Variants in PTK2 observed in about 807,000 individuals in gnomAD.
PTK2 encodes the protein focal adhesion kinase 1.
A neutral mutation model predicts 150.1 loss-of-function variants in PTK2; 45 were observed. That is an observed-to-expected ratio of 0.30 (90% CI 0.24 to 0.38). PTK2 has a LOEUF of 0.38. PTK2 is among the 10% of genes least tolerant of loss of function. PTK2 has a pLI of 1.00. For synonymous variants in PTK2, 432 were observed against 449.2 expected, an observed-to-expected ratio of 0.96 and a Z score of 0.48; for missense variants, 919 against 1,307.3, an observed-to-expected ratio of 0.70 and a Z score of 4.58.
At chr8:140,792,959 T>C (rs1277166791) in intron 13 of PTK2, among the ~76,000 whole-genome samples, 1 of 152,228 alleles carries the variant, frequency 6.6e-6, no homozygotes, top group African/African-American at 2.4e-5. Flanking sequence ...TAGATCAACA[T>C]GCCCACTATA....
At chr8:140,764,809 G>A (rs922293212) in intron 14 of PTK2, among the ~76,000 whole-genome samples, 7 of 152,070 alleles carry the variant, frequency 4.6e-5, no homozygotes, top group Non-Finnish European at 7.4e-5. Flanking sequence ...ATTTGCTCAG[G>A]GTTGAGAAAT....
chr8:140,787,221 G>GA (rs1023448803), intron 14 of PTK2, among the ~76,000 whole-genome samples: 2 of 152,184 alleles, frequency 1.3e-5, no homozygotes, highest in African/African-American at 4.8e-5. Flanking sequence ...AAGTAATTCA[G>GA]GGGGGTGTTA....
chr8:140,758,895 C>T (rs1401500821), intron 16 of PTK2, among the ~76,000 whole-genome samples: 1 of 152,250 alleles, frequency 6.6e-6, no homozygotes, highest in East Asian at 1.9e-4. Context: ...TTATTTTATA[C>T]TTTATACTGT....
At chr8:140,846,712 T>G in intron 5 of PTK2, 34 bp from the exon 6 acceptor site, 1 of 1,496,854 alleles carries the variant, frequency 6.7e-7, no homozygotes, top group Non-Finnish European at 9.2e-7. Flanking sequence ...ACAACACTGT[T>G]TTAAAAGAAA....
At chr8:140,819,719 G>A (rs2100107006) in intron 8 of PTK2, among the ~76,000 whole-genome samples, 2 of 152,216 alleles carry the variant, frequency 1.3e-5, no homozygotes, top group Non-Finnish European at 1.5e-5. Context: ...AAGAGCACAC[G>A]TGTGGGTCCT....
intron 14 of PTK2, among the ~76,000 whole-genome samples, chr8:140,785,974 C>T (rs879510449): frequency 4.1e-4 from 62 of 152,280 alleles, no homozygotes; most frequent in African/African-American, 1.4e-3. Flanking sequence ...CTCAATTCAT[C>T]TGCTTTATTT....
intron 1 of PTK2, among the ~76,000 whole-genome samples, chr8:140,936,499 G>A (rs2100173671): frequency 6.6e-6 from 1 of 151,982 alleles, no homozygotes; most frequent in South Asian, 2.1e-4. Context: ...GCAAATATGG[G>A]GGCCTTCCTG....
chr8:140,962,858 C>T (rs12681654), intron 1 of PTK2, among the ~76,000 whole-genome samples: 19,365 of 151,526 alleles, frequency 0.13, 1,916 homozygotes, highest in East Asian at 0.45. Flanking sequence ...CTACAAACTT[C>T]CTGGCCCTTG....
At chr8:140,963,367 A>T (rs1159023015) in intron 1 of PTK2, among the ~76,000 whole-genome samples, 1 of 152,186 alleles carries the variant, frequency 6.6e-6, no homozygotes, top group Admixed American at 6.5e-5. Context: ...TAAAAAGCCA[A>T]GCTAAGAATC....
intron 13 of PTK2, among the ~76,000 whole-genome samples, chr8:140,792,751 C>T (rs996478285): frequency 6.6e-6 from 1 of 152,224 alleles, no homozygotes; most frequent in African/African-American, 2.4e-5. Context: ...CTTAGGCTCA[C>T]TGTTCTTCTT....
exon 32 of PTK2, chr8:140,659,258 C>A: frequency 1.9e-6 from 1 of 539,704 alleles, no homozygotes; most frequent in Non-Finnish European, 3.3e-6. Flanking sequence ...TTCTGAATAT[C>A]ATGATTGAAA....
intron 8 of PTK2, among the ~76,000 whole-genome samples, chr8:140,826,345 G>C (rs1256140638): frequency 6.6e-6 from 1 of 152,142 alleles, no homozygotes; most frequent in Non-Finnish European, 1.5e-5. Context: ...TTCCATAGAA[G>C]TTTCATGGCA....
chr8:140,676,731 T>C (rs2100013995), intron 27 of PTK2, among the ~76,000 whole-genome samples: 1 of 121,340 alleles, frequency 8.2e-6, no homozygotes, highest in Non-Finnish European at 1.6e-5. Context: ...GTTGAGACCA[T>C]CCTGGCTAAC....
chr8:140,727,935 C>G (rs1485417288), intron 22 of PTK2, among the ~76,000 whole-genome samples: 1 of 152,128 alleles, frequency 6.6e-6, no homozygotes, highest in African/African-American at 2.4e-5. Flanking sequence ...GTGGCTCACA[C>G]CTGTAATCCC....
chr8:140,879,675 TGAA>T, intron 3 of PTK2, 38 bp from the exon 4 acceptor site: 4 of 37,204 alleles, frequency 1.1e-4, no homozygotes, highest in Non-Finnish European at 1.7e-4. Flanking sequence ...TGTTATAAAC[TGAA>T]AAAAAAAAAA....
intron 1 of PTK2, among the ~76,000 whole-genome samples, chr8:140,969,072 T>C (rs1382436427): frequency 6.6e-6 from 1 of 152,190 alleles, no homozygotes; most frequent in Non-Finnish European, 1.5e-5. Flanking sequence ...CTAGAAAGCC[T>C]GAACAGAGTA....
intron 22 of PTK2, among the ~76,000 whole-genome samples, chr8:140,734,214 C>G (rs2100051223): frequency 6.6e-6 from 1 of 152,092 alleles, no homozygotes; most frequent in South Asian, 2.1e-4. Flanking sequence ...GAAAAACAAA[C>G]CCATAAAAAC....
chr8:140,789,828 T>C (rs1442164305), intron 13 of PTK2, among the ~76,000 whole-genome samples: 3 of 151,896 alleles, frequency 2.0e-5, no homozygotes, highest in Non-Finnish European at 4.4e-5. Context: ...TATAAAAATA[T>C]AAATTTAAAT....
At chr8:140,688,878 A>G (rs2100021496) in intron 26 of PTK2, among the ~76,000 whole-genome samples, 1 of 152,244 alleles carries the variant, frequency 6.6e-6, no homozygotes, top group African/African-American at 2.4e-5. Context: ...TGATATATAT[A>G]ACTAATGCCC....
Sources: allele counts gnomAD v4.1 joint callset (sites outside exome capture counted in the v4.1 genomes callset), GRCh38; gene constraint gnomAD v4.1.1; transcripts MANE v1.5; gene names NCBI Gene and HGNC (gene_info 2026-07-23, HGNC 2026-07-21).